Variants in CDH12 observed in about 807,000 individuals in gnomAD.
The protein encoded by CDH12 is cadherin-12.
In CDH12, 41 loss-of-function variants were observed where a neutral mutation model predicts 74.1. That is an observed-to-expected ratio of 0.55 (90% CI 0.43 to 0.72). The LOEUF is 0.72. Ranked by LOEUF, CDH12 falls within the 30% of genes least tolerant of loss-of-function variation. CDH12 has a pLI of 0.00. For synonymous variants in CDH12, 399 were observed against 355.0 expected (o/e 1.12, Z -1.39); for missense variants, 945 against 977.2 (o/e 0.97, Z 0.44).
At chr5:21,890,271 T>G (rs1256888651) in intron 6 of CDH12, among the ~76,000 whole-genome samples, 1 of 152,106 alleles carries the variant, frequency 6.6e-6, no homozygotes, top group African/African-American at 2.4e-5. Flanking sequence ...CTACAAATAT[T>G]TAATCAATGG....
At chr5:22,777,221 C>T (rs1225907516) in intron 1 of CDH12, among the ~76,000 whole-genome samples, 1 of 152,150 alleles carries the variant, frequency 6.6e-6, no homozygotes, top group Admixed American at 6.6e-5. Flanking sequence ...CCTTCTACTC[C>T]ATTCTACCAA....
At chr5:22,486,748 C>T (rs1343946524) in intron 2 of CDH12, among the ~76,000 whole-genome samples, 5 of 151,070 alleles carry the variant, frequency 3.3e-5, no homozygotes, top group Non-Finnish European at 7.4e-5. Context: ...CCACTGTGCC[C>T]GGCCAGTAAC....
At chr5:22,796,756 G>C (rs1748243727) in intron 1 of CDH12, among the ~76,000 whole-genome samples, 1 of 101,804 alleles carries the variant, frequency 9.8e-6, no homozygotes, top group African/African-American at 5.1e-5. Context: ...TCTTGACCTC[G>C]TGATCCGCCC....
intron 1 of CDH12, among the ~76,000 whole-genome samples, chr5:22,739,914 T>G (rs1468012386): frequency 6.6e-6 from 1 of 152,076 alleles, no homozygotes; most frequent in Non-Finnish European, 1.5e-5. Flanking sequence ...TAAAATGGGG[T>G]ACATTATGTT....
Position 22,246,167 on chromosome 5 carries a change from T to A in CDH12, c.-332-33524A>T, listed in dbSNP as rs1396737743. 3.9e-5 allele frequency among the ~76,000 whole-genome samples: 6 copies of A among 152,178 alleles called. No individual in the cohort carries two copies. In the South Asian group the frequency reaches 1.2e-3, roughly 31 times the overall value. ...TAAGCATTACATTTTTGAAATCCAA[T>A]TGACTAGGTCTGTCATTTTAATTCA... On this transcript the variant is annotated intron_variant, in intron 3 of 14. Coordinates refer to ENST00000382254, the MANE Select transcript of CDH12 (RefSeq NM_004061.5).
intron 12 of CDH12, among the ~76,000 whole-genome samples, chr5:21,764,579 G>A (rs1579657362): frequency 6.7e-6 from 1 of 148,698 alleles, no homozygotes; most frequent in South Asian, 2.1e-4. Flanking sequence ...AACACAGGAG[G>A]CAGAGGTTGC....
intron 2 of CDH12, among the ~76,000 whole-genome samples, chr5:22,460,607 T>C (rs1745458696): frequency 6.6e-6 from 1 of 151,960 alleles, no homozygotes; most frequent in African/African-American, 2.4e-5. Context: ...AGTTCCATAA[T>C]GTCCAGTAAT....
intron 10 of CDH12, among the ~76,000 whole-genome samples, chr5:21,798,599 G>A (rs1056068459): frequency 1.3e-5 from 2 of 152,208 alleles, no homozygotes; most frequent in Admixed American, 6.5e-5. Context: ...GATAGGCTTT[G>A]TGGGGGTAAG....
At chr5:22,170,197 C>T (rs996880979) in intron 4 of CDH12, among the ~76,000 whole-genome samples, 1 of 151,812 alleles carries the variant, frequency 6.6e-6, no homozygotes. Context: ...ATAGCCAGAC[C>T]TGCTTCTCTT....
chr5:21,825,205 A>T (rs1431965015), intron 8 of CDH12, among the ~76,000 whole-genome samples: 1 of 152,036 alleles, frequency 6.6e-6, no homozygotes, highest in Non-Finnish European at 1.5e-5. Flanking sequence ...TATGACTGAA[A>T]GCTACAAGAG....
chr5:21,904,154 T>C (rs1280113639), intron 6 of CDH12, among the ~76,000 whole-genome samples: 1 of 152,182 alleles, frequency 6.6e-6, no homozygotes, highest in East Asian at 1.9e-4. Flanking sequence ...AAACTTCATG[T>C]TACATTTTTC....
chr5:22,015,404 T>C (rs1027154840), intron 5 of CDH12, among the ~76,000 whole-genome samples: 23 of 152,284 alleles, frequency 1.5e-4, no homozygotes, highest in African/African-American at 5.3e-4. Flanking sequence ...TTAGTGCTAA[T>C]GTAGCATGAG....
At chr5:22,011,145 A>G (rs1460239610) in intron 5 of CDH12, among the ~76,000 whole-genome samples, 4 of 152,122 alleles carry the variant, frequency 2.6e-5, no homozygotes, top group Non-Finnish European at 5.9e-5. Context: ...TAGTGAAAAT[A>G]AGCAGCATTT....
chr5:22,836,496 T>C (rs1235106741), intron 1 of CDH12, among the ~76,000 whole-genome samples: 1 of 152,048 alleles, frequency 6.6e-6, no homozygotes, highest in Non-Finnish European at 1.5e-5. Context: ...TCCAAAGTGC[T>C]GGGATTACAG....
intron 5 of CDH12, among the ~76,000 whole-genome samples, chr5:22,055,805 C>T (rs1019493144): frequency 2.0e-5 from 3 of 151,872 alleles, no homozygotes; most frequent in Non-Finnish European, 4.4e-5. Flanking sequence ...AATTAAGTAA[C>T]AATATCTTAA....
In CDH12 at chr5:22,085,396, T is replaced by C. The variant is rs200700423; in HGVS notation, c.-186-6534A>G. 3.3e-4 allele frequency among the ~76,000 whole-genome samples: 51 copies of C among 152,328 alleles called. No individual in the cohort carries two copies. In the East Asian group the frequency reaches 7.1e-3, roughly 21 times the overall value. Reference sequence around the variant, plus strand: ...TAAATTACATTGAAAGGGTTCTCTTTGTCAGGGACAACTTATTAAGCTGAA... The same window carrying C: ...TAAATTACATTGAAAGGGTTCTCTTCGTCAGGGACAACTTATTAAGCTGAA... On this transcript the variant is annotated intron_variant, in intron 4 of 14. Transcript: ENST00000382254.
intron 1 of CDH12, among the ~76,000 whole-genome samples, chr5:22,809,126 C>T (rs1356564102): frequency 2.6e-5 from 4 of 151,020 alleles, no homozygotes; most frequent in Non-Finnish European, 5.9e-5. Context: ...TTCTGATGAG[C>T]CTACAGTTAC....
At chr5:22,601,406 A>T (rs913585965) in intron 1 of CDH12, among the ~76,000 whole-genome samples, 1 of 152,076 alleles carries the variant, frequency 6.6e-6, no homozygotes, top group Non-Finnish European at 1.5e-5. Flanking sequence ...ATTAGAAAAA[A>T]ATAACATAAA....
intron 1 of CDH12, among the ~76,000 whole-genome samples, chr5:22,643,694 G>A (rs1197071258): frequency 1.4e-5 from 2 of 144,886 alleles, no homozygotes; most frequent in Non-Finnish European, 3.0e-5. Context: ...GAAAACACAG[G>A]CACAGCTCAT....
Sources: gnomAD v4.1 joint callset for allele counts (sites outside exome capture counted in the v4.1 genomes callset) on GRCh38, gnomAD v4.1.1 for gene constraint, MANE v1.5 for transcripts, NCBI Gene and HGNC (gene_info 2026-07-23, HGNC 2026-07-21) for gene names.